The following CACNB4 variants were observed in gnomAD, a reference collection of about 807,000 sequenced individuals.
CACNB4 encodes calcium voltage-gated channel auxiliary subunit beta 4.
CACNB4 carries 32 observed loss-of-function variants against 71.2 expected under a neutral mutation model. That is an observed-to-expected ratio of 0.45 (90% confidence interval 0.34 to 0.60). The LOEUF (loss-of-function observed/expected upper bound fraction) is 0.60. Ranked by LOEUF, CACNB4 falls within the 20% of genes least tolerant of loss-of-function variation. The pLI is 0.01. For missense variants in CACNB4, 464 were observed against 647.9 expected (o/e 0.72, Z 3.08); for synonymous variants, 231 against 236.9 (o/e 0.97, Z 0.23).
intron 2 of CACNB4, among the ~76,000 whole-genome samples, chr2:152,089,196 G>A (rs1471447795): frequency 6.6e-6 from 1 of 152,138 alleles, no homozygotes; most frequent in Non-Finnish European, 1.5e-5. Context: ...TTGTTTTCCT[G>A]GTTCATGAAG....
In CACNB4 at chr2:152,030,684, G is replaced by A. The variant is rs188921875; in HGVS notation, c.147+67646C>T. ...CATTGTTCAATTCCCACCTATGAGT[G>A]AGAACATGCAGTGTTTGGTTTTCTG... On this transcript the variant is annotated intron_variant, in intron 2 of 13. Transcript: ENST00000539935. Among the ~76,000 whole-genome samples, 3 of 152,312 alleles carry A rather than the reference G, an allele frequency of 2.0e-5. No homozygotes were observed. The East Asian group carries it at 5.8e-4, about 29-fold the overall frequency.
chr2:152,054,321 G>A (rs891914280), intron 2 of CACNB4, among the ~76,000 whole-genome samples: 1 of 138,334 alleles, frequency 7.2e-6, no homozygotes, highest in South Asian at 2.2e-4. Context: ...AGCCGAGATC[G>A]CGCCACTGCA....
At chr2:151,976,235 G>C (rs1222749167) in intron 2 of CACNB4, among the ~76,000 whole-genome samples, 2 of 152,220 alleles carry the variant, frequency 1.3e-5, no homozygotes. Flanking sequence ...AAATGTGCTG[G>C]ACTCAGAATC....
chr2:151,906,981 C>T (rs2099854987), intron 2 of CACNB4, among the ~76,000 whole-genome samples: 1 of 152,200 alleles, frequency 6.6e-6, no homozygotes, highest in African/African-American at 2.4e-5. Flanking sequence ...ATTGCACTTA[C>T]ATTATTCAGC....
At chr2:151,924,073 C>CTTTTTTTTTTTTTTT (rs59036016) in intron 2 of CACNB4, among the ~76,000 whole-genome samples, 3 of 91,418 alleles carry the variant, frequency 3.3e-5, no homozygotes, top group Non-Finnish European at 3.9e-5. Flanking sequence ...ATTCTGAAAT[C>CTTTTTTTTTTTTTTT]TTTTTTTTTT....
At chr2:152,084,705 G>C (rs929102065) in intron 2 of CACNB4, among the ~76,000 whole-genome samples, 2 of 152,058 alleles carry the variant, frequency 1.3e-5, no homozygotes, top group Non-Finnish European at 2.9e-5. Flanking sequence ...AACCTCCTAG[G>C]CTCAAGCAAT....
Position 151,860,817 on chromosome 2 carries a change from A to T in CACNB4, c.762T>A (p.Ile254=), listed in dbSNP as rs61736804. The T allele has an allele frequency of 0.032, 50,645 of 1,594,974 alleles. 1,231 individuals carry two copies. The highest frequency in any genetic ancestry group is 0.12 in the African/African-American group (9,118 of 74,520). ...DFLKHRFDGR[I]SITRVTADIS... ...TGTCAGCTGTCACTCTCGTTATTGA[A>T]ATCCTATGAATAGGAACACAGAACA... Residue 254 remains isoleucine, a synonymous_variant, in exon 10 of 14, where the codon ATT becomes ATA. Transcript: ENST00000539935.
At chr2:151,887,797 C>G (rs567073276) in intron 2 of CACNB4, among the ~76,000 whole-genome samples, 2 of 152,136 alleles carry the variant, frequency 1.3e-5, no homozygotes, top group Non-Finnish European at 2.9e-5. Context: ...TGGTGCTTGG[C>G]TCCAGATGAA....
chr2:151,886,639 A>G (rs1411050577), intron 2 of CACNB4, among the ~76,000 whole-genome samples: 1 of 152,092 alleles, frequency 6.6e-6, no homozygotes, highest in Admixed American at 6.5e-5. Context: ...GCACTGTGAT[A>G]CCCATTTTCA....
chr2:151,939,942 C>T (rs1213702620), intron 2 of CACNB4, among the ~76,000 whole-genome samples: 1 of 152,132 alleles, frequency 6.6e-6, no homozygotes, highest in Admixed American at 6.5e-5. Context: ...TTAAAAGAGC[C>T]TGGCTGAGAA....
At chr2:151,991,129 G>C (rs1014221486) in intron 2 of CACNB4, among the ~76,000 whole-genome samples, 30 of 152,128 alleles carry the variant, frequency 2.0e-4, no homozygotes, top group African/African-American at 7.0e-4. Context: ...ATTCTCTCTA[G>C]CATGCTCCCA....
rs533421021 is a variant in CACNB4, at chr2:151,997,524, ACT to A, written c.147+100804_147+100805del. Reference sequence around the variant, plus strand: ...ACTCCAGCCTGGGAGACAGAGTGAGACTCTGTCTCAAAAAAAAAGAGACGAAG... The same window carrying A: ...ACTCCAGCCTGGGAGACAGAGTGAGACTGTCTCAAAAAAAAAGAGACGAAG... On this transcript the variant is annotated intron_variant, in intron 2 of 13. Coordinates refer to ENST00000539935, the MANE Select transcript of CACNB4 (RefSeq NM_000726.5). Among the ~76,000 whole-genome samples the A allele has an allele frequency of 6.4e-4, 84 of 131,410 alleles. 2 individuals carry two copies. Among genetic ancestry groups the A allele is most frequent in the African/African-American group, 2.0e-3 (81 of 40,226 alleles). 86.2% of individuals were successfully genotyped at this position (131,410 alleles called of 152,430 possible).
At chr2:151,938,868 G>C (rs1052726859) in intron 2 of CACNB4, among the ~76,000 whole-genome samples, 1 of 152,182 alleles carries the variant, frequency 6.6e-6, no homozygotes, top group Non-Finnish European at 1.5e-5. Flanking sequence ...TCAAGGATTC[G>C]AACTGGCATG....
At chr2:151,946,087 G>A (rs895003873) in intron 2 of CACNB4, among the ~76,000 whole-genome samples, 1 of 152,054 alleles carries the variant, frequency 6.6e-6, no homozygotes, top group Admixed American at 6.5e-5. Flanking sequence ...CTAGCACTTT[G>A]GGAGGCGAAG....
chr2:152,055,586 A>G (rs958721685), intron 2 of CACNB4, among the ~76,000 whole-genome samples: 7 of 152,174 alleles, frequency 4.6e-5, no homozygotes, highest in African/African-American at 1.4e-4. Context: ...ATGGATTTGC[A>G]CACCCCACTG....
chr2:151,855,106 A>G, intron 11 of CACNB4, 118 bp downstream of exon 11: 1 of 589,824 alleles, frequency 1.7e-6, no homozygotes, highest in Non-Finnish European at 2.9e-6. Flanking sequence ...AAGATTTTAA[A>G]TGTGCTTATT....
chr2:151,940,699 G>T (rs947320410), intron 2 of CACNB4, among the ~76,000 whole-genome samples: 26 of 152,126 alleles, frequency 1.7e-4, no homozygotes, highest in African/African-American at 6.0e-4. Flanking sequence ...CAACTATAAG[G>T]CATTAAGGAA....
chr2:151,971,893 G>T (rs555081569), intron 2 of CACNB4: 2 of 411,056 alleles, frequency 4.9e-6, no homozygotes, highest in South Asian at 2.2e-5. Flanking sequence ...CACCTCCACA[G>T]ATGTGCACAG....
rs1278149403 is a variant in CACNB4 at position 151,839,032 on chromosome 2, CTA to C, written c.*85_*86del. 2 of 1,223,796 alleles carry C rather than the reference CTA, an allele frequency of 1.6e-6. No homozygotes were observed. The highest frequency in any genetic ancestry group is 1.5e-5 in the African/African-American group (1 of 66,098). The allele number at this position is 1,223,796 out of a possible 1,614,324, so 75.8% of individuals were successfully genotyped here. On this transcript the variant is annotated 3_prime_UTR_variant, in exon 14 of 14. Transcript: ENST00000539935. ...GCCCATTAGCACAGTAAATACTGTG[CTA>C]TGTTAGCCAAGTTAAGATGATTGGT...
Sources: gnomAD v4.1 joint callset for allele counts (sites outside exome capture counted in the v4.1 genomes callset) on GRCh38, gnomAD v4.1.1 for gene constraint, MANE v1.5 for transcripts, NCBI Gene and HGNC (gene_info 2026-07-23, HGNC 2026-07-21) for gene names.